The following EPHB4 variants were observed in gnomAD, a reference collection of about 807,000 sequenced individuals.
EPHB4 encodes the protein EPH receptor B4.
A neutral mutation model predicts 110.6 loss-of-function variants in EPHB4; 50 were observed. The ratio of observed to expected loss-of-function variants is 0.45; its 90% CI spans 0.36 to 0.57. The LOEUF is 0.57. Among genes scored for constraint, EPHB4 ranks in the 20% least tolerant of loss-of-function variants. EPHB4 has a pLI of 0.00. For synonymous variants in EPHB4, 592 were observed against 578.4 expected (o/e 1.02, Z -0.34); for missense variants, 1,128 against 1,382.1 (o/e 0.82, Z 2.91).
chr7:100,822,505 G>A lies in EPHB4; in HGVS notation c.574C>T (p.Leu192Phe). ...GACMALLSLH[L>F]FYKKCAQLTV... ...AGCTGGGCGCACTTTTTGTAGAAGA[G>A]GTGCAGGGATAGCAGGGCCATGCAG... Residue 192 changes from leucine (L) to phenylalanine (F), a missense_variant, in exon 4 of 17, where the codon CTC becomes TTC. This residue lies in a region of EPHB4 where 728 missense variants were observed against 828.6 expected (regional missense o/e 0.88). Transcript: ENST00000358173. This position sits in a 1 kb window ranked among gnomAD's most constrained non-coding sequence, Gnocchi z 4.7. 1.2e-6 allele frequency: 2 copies of A among 1,613,450 alleles called. No homozygotes were observed. The highest frequency in any genetic ancestry group is 1.7e-6 in the Non-Finnish European group (2 of 1,179,848).
rs1812744318 is a variant in EPHB4 at position 100,803,489 on chromosome 7, C to A, written c.2936G>T (p.Gly979Val). ...GTACTGCGGGGCCGGTCCTCCTGTC[C>A]CACCCGGGGTTCCCGGCTTGGCCTG... ...KSQAKPGTPG[G>V]TGGPAPQY Residue 979 changes from glycine to valine, a missense_variant, in exon 17 of 17, where the codon GGG (glycine) becomes GTG (valine). Physicochemically the swap from Gly to Val is moderately radical, Grantham distance 109 (BLOSUM62 -3). Around this residue, in one of 3 missense-constraint regions of EPHB4, gnomAD observed 209 missense variants for 240.5 expected, o/e 0.87. Transcript: ENST00000358173. 6.3e-7 allele frequency: 1 copy of A among 1,582,422 alleles called. No homozygotes were observed. Among genetic ancestry groups the A allele is most frequent in the East Asian group, 2.3e-5 (1 of 43,900 alleles).
chr7:100,818,947 G>T (rs1201669333), intron 6 of EPHB4, among the ~76,000 whole-genome samples: 1 of 152,076 alleles, frequency 6.6e-6, no homozygotes, highest in South Asian at 2.1e-4. Flanking sequence ...GCCTGGCCAT[G>T]TCCCTTATCT....
rs1813257607 is a variant in EPHB4, at chr7:100,822,404, C to T, written c.675G>A (p.Val225=). 1.9e-6 allele frequency: 3 copies of T among 1,583,044 alleles called. No individual in the cohort carries two copies. The highest frequency in any genetic ancestry group is 2.6e-6 in the Non-Finnish European group (3 of 1,163,004). The change falls in exon 4 of 17, where the codon GTG becomes GTA. Residue 225 remains valine, a synonymous_variant. Transcript: ENST00000358173. The surrounding 1 kb of genome is among the most constrained non-coding windows in gnomAD (Gnocchi z 4.7). ...TGGGGCCAGGGGCGGGGACGGCATC[C>T]ACCACGCAGCTACCGGCCACGGGCA... ...LVVPVAGSCV[V]DAVPAPGPSP...
At chr7:100,826,712 G>A (rs1340088456) in intron 1 of EPHB4, 2 of 401,772 alleles carry the variant, frequency 5.0e-6, no homozygotes, top group Non-Finnish European at 9.1e-6. Flanking sequence ...TATGTAATCA[G>A]CAGTGAGAGT....
intron 4 of EPHB4, among the ~76,000 whole-genome samples, chr7:100,821,897 AC>A (rs1307795113): frequency 6.6e-6 from 1 of 151,876 alleles, no homozygotes; most frequent in Non-Finnish European, 1.5e-5. Context: ...GTGGTGACGC[AC>A]GCCTGTAATC....
In EPHB4 at chr7:100,822,097, CA is replaced by C. The variant is rs1813249891; in HGVS notation, c.808+173del. ...ACTGCTTGAACAGGGACCCGGGAGG[CA>C]AAGGTTGCAGTTGAGCAGAGATTGT... is the stretch of plus-strand genomic sequence containing the variant. On this transcript the variant is annotated intron_variant, in intron 4 of 16. Transcript: ENST00000358173. This position sits in a 1 kb window ranked among gnomAD's most constrained non-coding sequence, Gnocchi z 4.7. 6.6e-6 allele frequency among the ~76,000 whole-genome samples: 1 copy of C among 152,232 alleles called. No individual in the cohort carries two copies. The highest frequency in any genetic ancestry group is 1.9e-4 in the East Asian group (1 of 5,172).
rs1813189967 is a variant in EPHB4, at chr7:100,820,240, G to C, written c.865C>G (p.Pro289Ala). ...ATGGTGTTAGAGTGGCTATTGGCTGGGCATGGCTGGCAGGACCCTTCTCCT... is the reference window on the plus strand; with the variant it reads ...ATGGTGTTAGAGTGGCTATTGGCTGCGCATGGCTGGCAGGACCCTTCTCCT... ...LSGEGSCQPC[P>A]ANSHSNTIGS... The change falls in exon 5 of 17, where the codon CCA (proline) becomes GCA (alanine). Residue 289 changes from proline (P) to alanine (A), a missense_variant. By Grantham distance (27) the Pro-to-Ala change is conservative (BLOSUM62 -1). Transcript: ENST00000358173. 6.2e-7 allele frequency: 1 copy of C among 1,613,946 alleles called. No individual in the cohort carries two copies. The highest frequency in any genetic ancestry group is 8.5e-7 in the Non-Finnish European group (1 of 1,180,012).
In EPHB4 at chr7:100,813,086, G is replaced by T. The variant is rs201075640; in HGVS notation, c.1870+9C>A. On this transcript the variant is annotated intron_variant, in intron 11 of 16. Transcript: ENST00000358173. ...GTTCCCAGGTGCCCGGGCAGCCTTC[G>T]GCTCTCACCTGCACCAATCACCTCT... 95 of 1,613,418 alleles carry T rather than the reference G, an allele frequency of 5.9e-5. 1 individual carries two copies. In the South Asian group the frequency reaches 9.9e-4, roughly 17 times the overall value.
intron 1 of EPHB4, among the ~76,000 whole-genome samples, chr7:100,825,981 A>T (rs1584669262): frequency 6.6e-6 from 1 of 152,178 alleles, no homozygotes. Context: ...TCCCCAGCCC[A>T]GGGCAGTCCT....
chr7:100,819,956 G>T (rs1173114347), intron 5 of EPHB4, 67 bp from the exon 6 acceptor site: 2 of 1,486,092 alleles, frequency 1.3e-6, no homozygotes, highest in African/African-American at 2.8e-5. Context: ...GGGCAATGGA[G>T]GCACCAGCAG....
At position 100,814,016 on chromosome 7, in the gene EPHB4, C is replaced by T. The variant is rs781488120; in HGVS notation, c.1594G>A (p.Glu532Lys). Residue 532 changes from glutamate (E) to lysine (K), a missense_variant, in exon 9 of 17, where the codon GAG becomes AAG. Glu to Lys is a moderately conservative substitution (Grantham distance 56). Around this residue, in one of 3 missense-constraint regions of EPHB4, gnomAD observed 728 missense variants for 828.6 expected, o/e 0.88. Coordinates refer to ENST00000358173, the MANE Select transcript of EPHB4 (RefSeq NM_004444.5). ...AGGGCCAGCTGCTCCCGCCAGCCCT[C>T]GCTCTCTGCGGAAGGAAAGGCTGCT... ...HHSQTQLDES[E>K]GWREQLALIA... 9.3e-6 allele frequency: 15 copies of T among 1,613,832 alleles called. No individual in the cohort carries two copies. In the East Asian group the frequency reaches 1.8e-4, roughly 19 times the overall value.
At chr7:100,816,692 C>G (rs1228441166) in intron 8 of EPHB4, among the ~76,000 whole-genome samples, 1 of 151,942 alleles carries the variant, frequency 6.6e-6, no homozygotes, top group East Asian at 1.9e-4. Flanking sequence ...GTGAAGCAGG[C>G]CAGACTTCAC....
chr7:100,824,353 C>A (rs886378324), intron 1 of EPHB4, 80 bp from the exon 2 acceptor site: 2 of 1,458,736 alleles, frequency 1.4e-6, no homozygotes, highest in Non-Finnish European at 1.9e-6. Context: ...GGAACCGAGG[C>A]AGGTGGATCC....
At position 100,819,866 on chromosome 7, in the gene EPHB4, C is replaced by T. The variant is rs1295059691; in HGVS notation, c.988G>A (p.Val330Met). 29 of 1,548,650 alleles carry T rather than the reference C, an allele frequency of 1.9e-5. No homozygotes were observed. The highest frequency in any genetic ancestry group is 1.7e-4 in the Middle Eastern group (1 of 5,736). Residue 330 changes from valine to methionine, a missense_variant, in exon 6 of 17, where the codon GTG becomes ATG. Coordinates refer to ENST00000358173, the MANE Select transcript of EPHB4 (RefSeq NM_004444.5). ...CTTPPSAPRS[V>M]VSRLNGSSLH... ...GAGGAGCCGTTCAGGCGGGAAACCA[C>T]GCTCCGCGGAGCCGAAGGAGGGGCT...
chr7:100,805,431 G>T, intron 15 of EPHB4, 70 bp downstream of exon 15: 1 of 1,563,132 alleles, frequency 6.4e-7, no homozygotes. Flanking sequence ...CAACACCAAT[G>T]AACGGACACT....
chr7:100,813,173 C>A lies in EPHB4; in HGVS notation c.1792G>T (p.Asp598Tyr). ...KVYIDPFTYE[D>Y]PNEAVREFAK... The stretch of plus-strand genomic sequence containing the variant: ...AATTCCCTCACAGCCTCATTAGGGT[C>A]TTCATAAGTGAAGGGGTCGATGTAG... Residue 598 changes from aspartate to tyrosine, a missense_variant, in exon 11 of 17, where the codon GAC becomes TAC. Around this residue, in one of 3 missense-constraint regions of EPHB4, gnomAD observed 191 missense variants for 313.0 expected, o/e 0.61. Coordinates refer to ENST00000358173, the MANE Select transcript of EPHB4 (RefSeq NM_004444.5). 1 of 1,607,870 alleles carries A rather than the reference C, an allele frequency of 6.2e-7. No individual in the cohort carries two copies. Among genetic ancestry groups the A allele is most frequent in the Non-Finnish European group, 8.5e-7 (1 of 1,180,004 alleles).
rs968869026 is a variant in EPHB4 at position 100,822,171 on chromosome 7, T to C, written c.808+100A>G. The stretch of plus-strand genomic sequence containing the variant: ...GACAGAGCAAGCCTCCATTTCAACA[T>C]CTAACTATACAAAATGGAAACTTAA... On this transcript the variant is annotated intron_variant, in intron 4 of 16. Transcript: ENST00000358173. This position sits in a 1 kb window ranked among gnomAD's most constrained non-coding sequence, Gnocchi z 4.7. The C allele has an allele frequency of 7.0e-7, 1 of 1,421,980 alleles. No homozygotes were observed. The highest frequency in any genetic ancestry group is 9.3e-7 in the Non-Finnish European group (1 of 1,077,872). 88.1% of individuals were successfully genotyped at this position (1,421,980 alleles called of 1,614,324 possible). A position where few individuals can be genotyped will look rare whatever the true frequency, so the allele number is the denominator to read the frequency against.
chr7:100,826,932 A>G (rs1205380705), intron 1 of EPHB4, 47 bp downstream of exon 1: 9 of 1,513,674 alleles, frequency 5.9e-6, no homozygotes, highest in Admixed American at 4.2e-5. Flanking sequence ...GTTGGGGGGG[A>G]GGTCCCAGGA....
chr7:100,810,394 C>G (rs1425453676), intron 12 of EPHB4, among the ~76,000 whole-genome samples: 1 of 152,138 alleles, frequency 6.6e-6, no homozygotes, highest in Non-Finnish European at 1.5e-5. Context: ...GGACCTAACC[C>G]TTCAGTGTGT....
Sources: allele counts gnomAD v4.1 joint callset (sites outside exome capture counted in the v4.1 genomes callset), GRCh38; gene constraint gnomAD v4.1.1; regional missense constraint gnomAD v4.1.1; non-coding constraint Gnocchi (gnomAD v3.1); transcripts MANE v1.5; gene names NCBI Gene and HGNC (gene_info 2026-07-23, HGNC 2026-07-21).